The following POLR3B variants were observed in gnomAD, a reference collection of about 807,000 sequenced individuals.
POLR3B encodes the protein RNA polymerase III subunit B.
Under a neutral mutation model 147.4 loss-of-function variants are expected in POLR3B, and 96 were observed. The observed-to-expected ratio is 0.65, with a 90% confidence interval of 0.55 to 0.77. The LOEUF (loss-of-function observed/expected upper bound fraction) is 0.77. Ranked by LOEUF, POLR3B falls within the 30% of genes least tolerant of loss-of-function variation. The probability of loss-of-function intolerance (pLI) is 0.00; values close to 1 mark genes in which losing one functional copy is unlikely to be tolerated. For synonymous variants in POLR3B, 461 were observed against 485.9 expected (o/e 0.95, Z 0.67); for missense variants, 1,036 against 1,413.5 (o/e 0.73, Z 4.28).
intron 6 of POLR3B, among the ~76,000 whole-genome samples, chr12:106,372,087 C>G (rs969076207): frequency 2.0e-5 from 3 of 152,102 alleles, no homozygotes; most frequent in African/African-American, 7.2e-5. Context: ...CTTATATGTG[C>G]TATGCATTAC....
chr12:106,381,990 T>C (rs888471202), intron 9 of POLR3B: 2 of 152,246 alleles, frequency 1.3e-5, no homozygotes, highest in Admixed American at 1.3e-4. Context: ...ACTGCGCTAG[T>C]AGGAGTGTGA....
chr12:106,452,847 C>T (rs762164719), intron 19 of POLR3B, among the ~76,000 whole-genome samples: 23 of 152,080 alleles, frequency 1.5e-4, no homozygotes, highest in Admixed American at 7.9e-4. Context: ...GAGATTTAAG[C>T]ACATACTGTC....
chr12:106,370,475 C>T (rs1317654287), intron 6 of POLR3B, among the ~76,000 whole-genome samples: 1 of 152,094 alleles, frequency 6.6e-6, no homozygotes, highest in African/African-American at 2.4e-5. Flanking sequence ...TTTATGGAAA[C>T]ATGCAGGTTT....
intron 6 of POLR3B, among the ~76,000 whole-genome samples, chr12:106,375,727 T>C (rs1360509175): frequency 6.6e-6 from 1 of 152,204 alleles, no homozygotes; most frequent in East Asian, 1.9e-4. Flanking sequence ...TCCTTACACT[T>C]GGATGCATTG....
At chr12:106,430,177 T>A in intron 13 of POLR3B, 96 bp from the exon 14 acceptor site, 1 of 865,880 alleles carries the variant, frequency 1.2e-6, no homozygotes, top group Non-Finnish European at 2.0e-6. Context: ...TTCGTAAGCA[T>A]GAAGCTCCTG....
chr12:106,393,308 T>G (rs1019739325), intron 10 of POLR3B, among the ~76,000 whole-genome samples, 155 bp downstream of exon 10: 3 of 152,180 alleles, frequency 2.0e-5, no homozygotes, highest in African/African-American at 7.2e-5. Flanking sequence ...TAACTCACTT[T>G]CGTCAGGTTT....
At chr12:106,413,839 TTAGTTCA>T (rs1489573152) in intron 12 of POLR3B, among the ~76,000 whole-genome samples, 1 of 152,072 alleles carries the variant, frequency 6.6e-6, no homozygotes, top group Non-Finnish European at 1.5e-5. Context: ...AATTTAGCTC[TTAGTTCA>T]TTTTCTATTC....
At chr12:106,403,159 C>T (rs574236515) in intron 10 of POLR3B, among the ~76,000 whole-genome samples, 27 of 151,410 alleles carry the variant, frequency 1.8e-4, no homozygotes, top group Admixed American at 5.9e-4. Context: ...GGATATGAAC[C>T]GACACTTCTC....
At chr12:106,365,250 A>G (rs59245113) in intron 2 of POLR3B, among the ~76,000 whole-genome samples, 13,584 of 152,172 alleles carry the variant, frequency 0.089, 663 homozygotes, top group Middle Eastern at 0.13. Flanking sequence ...GGGAGTTGTC[A>G]GGGCCAGTTT....
At chr12:106,455,988 G>A (rs1489786099) in intron 20 of POLR3B, among the ~76,000 whole-genome samples, 2 of 152,032 alleles carry the variant, frequency 1.3e-5, no homozygotes, top group African/African-American at 4.8e-5. Context: ...TCTGTTTTTG[G>A]TGGAAAATTG....
chr12:106,397,672 C>G (rs2036998871), intron 10 of POLR3B, among the ~76,000 whole-genome samples: 1 of 152,116 alleles, frequency 6.6e-6, no homozygotes. Context: ...TGTCAGTTAT[C>G]CATGTAGTTC....
At chr12:106,455,040 A>T (rs886678285) in intron 20 of POLR3B, among the ~76,000 whole-genome samples, 1 of 152,204 alleles carries the variant, frequency 6.6e-6, no homozygotes, top group African/African-American at 2.4e-5. Flanking sequence ...ATGTGTTTTC[A>T]CTGTGTCTAG....
intron 23 of POLR3B, among the ~76,000 whole-genome samples, chr12:106,485,713 A>G (rs1047291864): frequency 6.6e-6 from 1 of 152,162 alleles, no homozygotes; most frequent in South Asian, 2.1e-4. Context: ...TGGGTAAAGA[A>G]TAGTTTTTTG....
intron 1 of POLR3B, 119 bp downstream of exon 1, chr12:106,358,070 C>T (rs914422194): frequency 7.1e-6 from 11 of 1,544,160 alleles, no homozygotes; most frequent in East Asian, 2.4e-5. Flanking sequence ...CGCCGGGCTT[C>T]TGCGCATGCC....
intron 6 of POLR3B, among the ~76,000 whole-genome samples, chr12:106,370,937 G>C (rs2036598129): frequency 6.6e-6 from 1 of 152,058 alleles, no homozygotes; most frequent in Non-Finnish European, 1.5e-5. Flanking sequence ...TGGCCTATCA[G>C]TGTTAAGGTG....
intron 8 of POLR3B, among the ~76,000 whole-genome samples, chr12:106,378,659 A>AT (rs1241448983): frequency 6.6e-6 from 1 of 152,132 alleles, no homozygotes; most frequent in African/African-American, 2.4e-5. Flanking sequence ...TTTAAAAAAA[A>AT]AAAAATAAAA....
chr12:106,493,237 T>C (rs746663358), intron 23 of POLR3B, among the ~76,000 whole-genome samples: 1 of 152,226 alleles, frequency 6.6e-6, no homozygotes, highest in Non-Finnish European at 1.5e-5. Flanking sequence ...TTTAAACCAG[T>C]GTTAAGGGAA....
intron 10 of POLR3B, among the ~76,000 whole-genome samples, chr12:106,401,580 C>A (rs1019125009): frequency 6.6e-6 from 1 of 152,168 alleles, no homozygotes; most frequent in South Asian, 2.1e-4. Flanking sequence ...ACTGGCAAAC[C>A]GAATCCAGCA....
intron 14 of POLR3B, among the ~76,000 whole-genome samples, chr12:106,431,181 G>GCTAC (rs1565894401): frequency 1.3e-5 from 2 of 152,158 alleles, no homozygotes; most frequent in Non-Finnish European, 2.9e-5. Flanking sequence ...AAAAGATGTA[G>GCTAC]GGTCCAAAGT....
Sources: gnomAD v4.1 joint callset for allele counts (sites outside exome capture counted in the v4.1 genomes callset) on GRCh38, gnomAD v4.1.1 for gene constraint, MANE v1.5 for transcripts, NCBI Gene and HGNC (gene_info 2026-07-23, HGNC 2026-07-21) for gene names.